The following PLEKHO1 variants were observed in gnomAD, a reference collection of about 807,000 sequenced individuals.
PLEKHO1 encodes the protein pleckstrin homology domain containing O1.
PLEKHO1 carries 22 observed loss-of-function variants against 41.4 expected under a neutral mutation model. The observed-to-expected ratio is 0.53, with a 90% CI of 0.38 to 0.76. The LOEUF (loss-of-function observed/expected upper bound fraction) is 0.76. Ranked by LOEUF, PLEKHO1 falls within the 30% of genes least tolerant of loss-of-function variation. The pLI, the probability that PLEKHO1 is intolerant of heterozygous loss-of-function variation, is 0.00. For missense variants in PLEKHO1, 488 were observed against 518.3 expected, an observed-to-expected ratio of 0.94 and a Z score of 0.57; for synonymous variants, 225 against 210.8, an observed-to-expected ratio of 1.07 and a Z score of -0.58.
chr1:150,157,574 C>T (rs1192955426), intron 5 of PLEKHO1, 88 bp downstream of exon 5: 2 of 865,610 alleles, frequency 2.3e-6, no homozygotes, highest in East Asian at 2.5e-5. Context: ...GAGGCATTTG[C>T]GGGAGGCCTC....
chr1:150,158,679 ACT>A (rs1553820970), intron 5 of PLEKHO1, 138 bp from the exon 6 acceptor site: 3 of 661,004 alleles, frequency 4.5e-6, no homozygotes, highest in African/African-American at 1.8e-5. Context: ...ACAGAGCAAG[ACT>A]CTGTCTCTAA....
In PLEKHO1 at chr1:150,159,439, G is replaced by GTACA; in HGVS notation, c.1147_1150dup (p.Arg384IlefsTer72). ...AGGAGGTCAGGGAGCTGAGAGACCTGTACAGACAGATGGACCTGCAGACCC... is the reference window on the plus strand; with the variant it reads ...AGGAGGTCAGGGAGCTGAGAGACCTGTACATACAGACAGATGGACCTGCAGACCC... On this transcript the variant is annotated frameshift_variant, in exon 6 of 6. Transcript: ENST00000369124. LOFTEE classifies it high-confidence loss of function. 6.2e-7 allele frequency: 1 copy of GTACA among 1,614,080 alleles called. No homozygotes were observed. The highest frequency in any genetic ancestry group is 8.5e-7 in the Non-Finnish European group (1 of 1,179,998).
Position 150,156,944 on chromosome 1 carries a change from G to T in PLEKHO1, c.352G>T (p.Glu118Ter). The change falls in exon 4 of 6, where the codon GAA becomes TAA. Residue 118 changes from glutamate (E) to a stop codon, truncating the protein, a stop_gained. Coordinates refer to ENST00000369124, the MANE Select transcript of PLEKHO1 (RefSeq NM_016274.6). LOFTEE classifies it high-confidence loss of function. Reference protein sequence around the residue: ...PNLIFLAVSPEEKESWINALN... With the variant: ...PNLIFLAVSP The stretch of plus-strand genomic sequence containing the variant: ...CCTGATCTTCCTGGCAGTGAGTCCA[G>T]AAGAGAAGGAATCGTGGATCAATGC... The T allele has an allele frequency of 1.9e-6, 3 of 1,613,748 alleles. No individual in the cohort carries two copies. Among genetic ancestry groups the T allele is most frequent in the Non-Finnish European group, 2.5e-6 (3 of 1,179,674 alleles).
At chr1:150,153,825 T>C (rs1436329711) in intron 2 of PLEKHO1, 1 of 152,114 alleles carries the variant, frequency 6.6e-6, no homozygotes, top group African/African-American at 2.4e-5. Flanking sequence ...AAAATCCCTT[T>C]CTATAGTCAA....
intron 2 of PLEKHO1, chr1:150,152,697 A>AAAC (rs1659995850): frequency 7.1e-6 from 1 of 141,280 alleles, no homozygotes; most frequent in Non-Finnish European, 1.5e-5. Flanking sequence ...TTAAAAAAAA[A>AAAC]AAAAAAAAAA....
rs781923003 is a variant in PLEKHO1, at chr1:150,153,521, A to G, written c.177+2463A>G. 1.5e-4 allele frequency: 22 copies of G among 151,402 alleles called. 1 individual carries two copies. The highest frequency in any genetic ancestry group is 1.4e-3 in the Admixed American group (21 of 15,194). 9.4% of individuals were successfully genotyped at this position (151,402 alleles called of 1,614,324 possible). A position where few individuals can be genotyped will look rare whatever the true frequency, so the allele number is the denominator to read the frequency against. On this transcript the variant is annotated intron_variant, in intron 2 of 5. Coordinates refer to ENST00000369124, the MANE Select transcript of PLEKHO1 (RefSeq NM_016274.6). ...TTTTTTTTAAGGCAGAGTATAATCT[A>G]TATCATTTACTGTTAATGCAAGAAA...
chr1:150,152,691 A>AAAAAAG (rs1659994352), intron 2 of PLEKHO1: 2 of 134,564 alleles, frequency 1.5e-5, no homozygotes, highest in Non-Finnish European at 3.0e-5. Context: ...TCTAAATTAA[A>AAAAAAG]AAAAAAAAAA....
In PLEKHO1 at chr1:150,150,262, TGAA is replaced by T. The variant is rs1444848184; in HGVS notation, c.12_14del (p.Lys4del). 27 of 1,116,038 alleles carry T rather than the reference TGAA, an allele frequency of 2.4e-5. No homozygotes were observed. Among genetic ancestry groups the T allele is most frequent in the East Asian group, 7.3e-5 (1 of 13,658 alleles). The allele number at this position is 1,116,038 out of a possible 1,614,324, so 69.1% of individuals were successfully genotyped here. On this transcript the variant is annotated inframe_deletion, in exon 1 of 6. Coordinates refer to ENST00000369124, the MANE Select transcript of PLEKHO1 (RefSeq NM_016274.6). Reference sequence around the variant, plus strand: ...CCGCGCCCGCGCCCGCTGGGAATGATGAAGAAGAACAATTCCGCCAAGCGGGTG... The same window carrying T: ...CCGCGCCCGCGCCCGCTGGGAATGATGAAGAACAATTCCGCCAAGCGGGTG...
rs1441741527 is a variant in PLEKHO1 at position 150,159,053 on chromosome 1, A to AC, written c.766dup (p.Gln256ProfsTer37). On this transcript the variant is annotated frameshift_variant, in exon 6 of 6. Transcript: ENST00000369124. LOFTEE classifies it high-confidence loss of function. ...AAAAACAGACAAAGGGGCCACCTAC[A>AC]CCCCCCAGGCACCCAAGAAGTTGAC... 6.2e-7 allele frequency: 1 copy of AC among 1,613,332 alleles called. No homozygotes were observed. Among genetic ancestry groups the AC allele is most frequent in the Non-Finnish European group, 8.5e-7 (1 of 1,179,756 alleles).
chr1:150,150,348 C>G, intron 1 of PLEKHO1, 61 bp downstream of exon 1: 1 of 853,394 alleles, frequency 1.2e-6, no homozygotes, highest in Non-Finnish European at 1.4e-6. Context: ...ACCCCCGCTC[C>G]GTCGGCGCCG....
In PLEKHO1 at chr1:150,150,183, GCCCCCGCGGTGCCGCCGAGGCC is replaced by G; in HGVS notation, c.-72_-51del. The G allele has an allele frequency of 1.2e-5, 8 of 666,436 alleles. No individual in the cohort carries two copies. The highest frequency in any genetic ancestry group is 1.5e-5 in the Non-Finnish European group (8 of 532,972). 41.3% of individuals were successfully genotyped at this position (666,436 alleles called of 1,614,324 possible). ...TCCGACGCCCTCCCGCGGGGAAGGA[GCCCCCGCGGTGCCGCCGAGGCC>G]CCGACGCGGGGCCGCCCCTCGGCTC... is the stretch of plus-strand genomic sequence containing the variant. On this transcript the variant is annotated 5_prime_UTR_variant, in exon 1 of 6. Transcript: ENST00000369124.
chr1:150,159,331 T>C lies in PLEKHO1; in HGVS notation c.1038T>C (p.Ser346=), dbSNP rs1553821541. ...AKDPPRSPPD[S]ESEQLLLETE... ...ACCCCCCTCGGTCTCCGCCGGATTC[T>C]GAGTCAGAGCAGCTGCTGCTGGAGA... Residue 346 remains serine, a synonymous_variant, in exon 6 of 6, where the codon TCT becomes TCC. Transcript: ENST00000369124. 2 of 1,614,194 alleles carry C rather than the reference T, an allele frequency of 1.2e-6. No homozygotes were observed. The highest frequency in any genetic ancestry group is 2.2e-5 in the South Asian group (2 of 91,072).
In PLEKHO1 at chr1:150,159,383, T is replaced by G; in HGVS notation, c.1090T>G (p.Ser364Ala). 6.2e-7 allele frequency: 1 copy of G among 1,613,982 alleles called. No homozygotes were observed. The highest frequency in any genetic ancestry group is 8.5e-7 in the Non-Finnish European group (1 of 1,179,984). The change falls in exon 6 of 6, where the codon TCG becomes GCG. Residue 364 changes from serine to alanine, a missense_variant. Ser to Ala is a moderately conservative substitution (Grantham distance 99, BLOSUM62 1). Transcript: ENST00000369124. Reference sequence around the variant, plus strand: ...GGAACGGCTGCTGGGAGAGGCATCATCGAATTGGAGCCAGGCAAAGAGGGT... The same window carrying G: ...GGAACGGCTGCTGGGAGAGGCATCAGCGAATTGGAGCCAGGCAAAGAGGGT... The part of the protein sequence containing the change: ...ETERLLGEAS[S>A]NWSQAKRVLQ...
At chr1:150,150,867 G>A (rs782144183) in intron 1 of PLEKHO1, 45 bp from the exon 2 acceptor site, 3 of 1,588,800 alleles carry the variant, frequency 1.9e-6, no homozygotes, top group Admixed American at 3.4e-5. Flanking sequence ...GGAAGCGCCG[G>A]CTGGAATCTC....
chr1:150,155,322 A>C (rs587702134), intron 2 of PLEKHO1: 1 of 152,000 alleles, frequency 6.6e-6, no homozygotes, highest in South Asian at 2.1e-4. Context: ...GGAGAGTCTA[A>C]GTGCATTCTT....
intron 2 of PLEKHO1, 186 bp from the exon 3 acceptor site, chr1:150,155,880 T>C: frequency 1.7e-6 from 1 of 581,428 alleles, no homozygotes; most frequent in South Asian, 2.4e-5. Context: ...ATTCAAGACT[T>C]GGAGCTGCCC....
intron 2 of PLEKHO1, 166 bp from the exon 3 acceptor site, chr1:150,155,899 TC>T (rs782276380): frequency 1.6e-6 from 1 of 641,984 alleles, no homozygotes; most frequent in Non-Finnish European, 2.8e-6. Flanking sequence ...CCTAGCGTCC[TC>T]CTCGATGTGA....
At chr1:150,156,027 T>C in intron 2 of PLEKHO1, 39 bp from the exon 3 acceptor site, 2 of 1,588,792 alleles carry the variant, frequency 1.3e-6, no homozygotes, top group Non-Finnish European at 1.7e-6. Flanking sequence ...AGGGGCTAAA[T>C]AATTTTATCC....
intron 5 of PLEKHO1, among the ~76,000 whole-genome samples, chr1:150,157,730 TACCCACAGGAAA>T (rs2101691453): frequency 6.6e-6 from 1 of 152,352 alleles, no homozygotes; most frequent in East Asian, 1.9e-4. Flanking sequence ...AAATGAGTTA[TACCCACAGGAAA>T]ATGAAAAATT....
Sources: allele counts gnomAD v4.1 joint callset (sites outside exome capture counted in the v4.1 genomes callset), GRCh38; gene constraint gnomAD v4.1.1; transcripts MANE v1.5; gene names NCBI Gene and HGNC (gene_info 2026-07-23, HGNC 2026-07-21).